CFAP74: variants seen among roughly 807,000 people sequenced by gnomAD.
CFAP74 encodes the protein cilia and flagella associated protein 74.
In CFAP74, 124 loss-of-function variants were observed where a neutral mutation model predicts 188.9. That is an observed-to-expected ratio of 0.66 (90% CI 0.57 to 0.76). The LOEUF (loss-of-function observed/expected upper bound fraction) is 0.76. CFAP74 is among the 30% of genes least tolerant of loss of function. CFAP74 has a pLI of 0.00. For synonymous variants in CFAP74, 956 were observed against 916.7 expected, an observed-to-expected ratio of 1.04 and a Z score of -0.77; for missense variants, 2,198 against 2,165.2, an observed-to-expected ratio of 1.02 and a Z score of -0.30.
intron 29 of CFAP74, 40 bp from the exon 30 acceptor site, chr1:1,926,801 C>A: frequency 6.5e-7 from 1 of 1,546,052 alleles, no homozygotes; most frequent in Non-Finnish European, 8.7e-7. Context: ...GGTGGGCGGC[C>A]CCCTGCCCGC....
At chr1:1,980,796 G>C (rs945341946) in intron 6 of CFAP74, among the ~76,000 whole-genome samples, 1 of 152,196 alleles carries the variant, frequency 6.6e-6, no homozygotes, top group Non-Finnish European at 1.5e-5. Context: ...GGGCTGGCCT[G>C]AACACCCCAA....
intron 1 of CFAP74, among the ~76,000 whole-genome samples, chr1:1,998,808 C>T (rs1281472430): frequency 6.6e-6 from 1 of 152,204 alleles, no homozygotes; most frequent in Non-Finnish European, 1.5e-5. Flanking sequence ...AGCCAGGAGG[C>T]GGAGCTTGCA....
chr1:1,982,159 A>G (rs55879512), intron 6 of CFAP74, among the ~76,000 whole-genome samples: 4,103 of 50,432 alleles, frequency 0.081, 234 homozygotes, highest in African/African-American at 0.12. Flanking sequence ...ACGGGGACAC[A>G]CAGGACACCC....
chr1:1,956,501 G>A (rs1654638418), intron 17 of CFAP74, 119 bp downstream of exon 17: 9 of 1,242,190 alleles, frequency 7.2e-6, no homozygotes, highest in Middle Eastern at 4.6e-4. Flanking sequence ...CCCCCACACT[G>A]CCCTCCTTCT....
chr1:1,992,320 T>A (rs565134421), intron 1 of CFAP74, among the ~76,000 whole-genome samples: 29 of 152,130 alleles, frequency 1.9e-4, no homozygotes, highest in African/African-American at 6.5e-4. Context: ...CATGCCGCCA[T>A]GCCCAGGTAA....
Position 1,960,044 on chromosome 1 carries a change from C to T in CFAP74, c.1695-14G>A. Reference sequence around the variant, plus strand: ...GGGGGGTCAAAGCTGCAGGACGTGACCCATAGCACACGGGGGTTAGTGCTG... The same window carrying T: ...GGGGGGTCAAAGCTGCAGGACGTGATCCATAGCACACGGGGGTTAGTGCTG... On this transcript the variant is annotated splice_polypyrimidine_tract_variant and intron_variant, in intron 14 of 38. Transcript: ENST00000682832. 1.3e-6 allele frequency: 2 copies of T among 1,594,768 alleles called. No homozygotes were observed. Among genetic ancestry groups the T allele is most frequent in the Admixed American group, 3.5e-5 (2 of 57,204 alleles).
rs140992306 is a variant in CFAP74, at chr1:1,970,314, C to T, written c.1046+345G>A. Among the ~76,000 whole-genome samples, 686 of 152,280 alleles carry T rather than the reference C, an allele frequency of 4.5e-3. 21 individuals are homozygous for T. The East Asian group carries it at 0.083, about 18-fold the overall frequency. On this transcript the variant is annotated intron_variant, in intron 10 of 38. Coordinates refer to ENST00000682832, the MANE Select transcript of CFAP74 (RefSeq NM_001304360.2). ...GGAGGGGCCTGGTGCTCCCTGGAGA[C>T]TTCTGGGTGGGCCAGGAAAGAGCCC...
In CFAP74 at chr1:1,922,343, C is replaced by T. The variant is rs755577498; in HGVS notation, c.4864G>A (p.Asp1622Asn). Residue 1622 changes from aspartate (D) to asparagine (N), a missense_variant, in exon 39 of 39, where the codon GAT (aspartate) becomes AAT (asparagine). Transcript: ENST00000682832. ...ATGACCTTGTAGGTCTCCTTCACAT[C>T]CCCCCTTAGCTGCAGCAGGGCCGAC... ...MVSALLQLRG[D>N]VKETYKVIFV... The T allele has an allele frequency of 3.7e-6, 6 of 1,601,820 alleles. No individual in the cohort carries two copies. The highest frequency in any genetic ancestry group is 1.3e-5 in the African/African-American group (1 of 74,168).
intron 14 of CFAP74, 70 bp from the exon 15 acceptor site, chr1:1,960,100 A>T (rs1400506499): frequency 7.3e-7 from 1 of 1,370,054 alleles, no homozygotes; most frequent in East Asian, 2.6e-5. Flanking sequence ...CACCACCCAG[A>T]GCACAGTCAG....
At chr1:1,934,924 T>C (rs1320505826) in intron 25 of CFAP74, among the ~76,000 whole-genome samples, 1 of 134,734 alleles carries the variant, frequency 7.4e-6, no homozygotes, top group Non-Finnish European at 1.6e-5. Flanking sequence ...TGTTAGGTTG[T>C]AGGTACACAG....
At chr1:1,994,910 G>A (rs1040452279) in intron 1 of CFAP74, among the ~76,000 whole-genome samples, 14 of 152,180 alleles carry the variant, frequency 9.2e-5, no homozygotes, top group Admixed American at 5.2e-4. Context: ...AAAGAGAAGC[G>A]GGAGGTGGAG....
intron 17 of CFAP74, 111 bp from the exon 18 acceptor site, chr1:1,955,961 C>T: frequency 2.1e-6 from 3 of 1,457,280 alleles, no homozygotes; most frequent in South Asian, 1.4e-5. Flanking sequence ...ACCCTGGCTC[C>T]AGCGTGGCCC....
Position 1,993,272 on chromosome 1 carries a change from A to C in CFAP74, c.-19-2297T>G, listed in dbSNP as rs189411099. On this transcript the variant is annotated intron_variant, in intron 1 of 38. Coordinates refer to ENST00000682832, the MANE Select transcript of CFAP74 (RefSeq NM_001304360.2). ...ACTTATTTTTTTCTGGTGAGAATTA[A>C]ATTTAATGGCTAACTTTCTTTTATT... Among the ~76,000 whole-genome samples, 11 of 151,860 alleles carry C rather than the reference A, an allele frequency of 7.2e-5. No individual in the cohort carries two copies. In the East Asian group the frequency reaches 1.9e-3, roughly 27 times the overall value.
At chr1:1,930,586 C>A (rs28637822) in intron 25 of CFAP74, among the ~76,000 whole-genome samples, 4 of 152,132 alleles carry the variant, frequency 2.6e-5, no homozygotes, top group Admixed American at 6.6e-5. Flanking sequence ...GATGGAGTCT[C>A]GCTCTGTTGC....
At chr1:1,928,975 T>C in intron 26 of CFAP74, 93 bp from the exon 27 acceptor site, 1 of 795,248 alleles carries the variant, frequency 1.3e-6, no homozygotes, top group Non-Finnish European at 2.0e-6. Flanking sequence ...GCCCGTGGAC[T>C]CCCCTCAAGG....
At chr1:1,990,216 G>C (rs919404465) in intron 2 of CFAP74, among the ~76,000 whole-genome samples, 4 of 152,136 alleles carry the variant, frequency 2.6e-5, no homozygotes, top group African/African-American at 7.2e-5. Context: ...GAATGTAAAG[G>C]GGTTCTCAGA....
intron 34 of CFAP74, 73 bp from the exon 35 acceptor site, chr1:1,924,002 T>G: frequency 6.7e-7 from 1 of 1,502,410 alleles, no homozygotes; most frequent in Non-Finnish European, 9.0e-7. Flanking sequence ...CCTTGCTGCA[T>G]AGAGCTCTAC....
At chr1:1,926,121 T>A (rs1204336991) in intron 32 of CFAP74, 107 bp downstream of exon 32, 1 of 1,437,020 alleles carries the variant, frequency 7.0e-7, no homozygotes. Context: ...AGACCCAGGC[T>A]TAGTCCCAGG....
chr1:1,960,085 C>T lies in CFAP74; in HGVS notation c.1695-55G>A, dbSNP rs372172957. On this transcript the variant is annotated intron_variant, in intron 14 of 38. Transcript: ENST00000682832. ...GTTAGTGCTGCGGAGGGCAGACGCT[C>T]GCCTCACCACCCAGAGCACAGTCAG... is the stretch of plus-strand genomic sequence containing the variant. 9 of 1,462,196 alleles carry T rather than the reference C, an allele frequency of 6.2e-6. No homozygotes were observed. In the East Asian group the frequency reaches 7.4e-5, roughly 12 times the overall value. The allele number at this position is 1,462,196 out of a possible 1,614,324, so 90.6% of individuals were successfully genotyped here. A position where few individuals can be genotyped will look rare whatever the true frequency, so the allele number is the denominator to read the frequency against.
Sources: allele counts gnomAD v4.1 joint callset (sites outside exome capture counted in the v4.1 genomes callset), GRCh38; gene constraint gnomAD v4.1.1; transcripts MANE v1.5; gene names NCBI Gene and HGNC (gene_info 2026-07-23, HGNC 2026-07-21).